The following SHB variants were observed in gnomAD, a reference collection of about 807,000 sequenced individuals.
The protein encoded by SHB is SH2 domain-containing adapter protein B.
Under a neutral mutation model 52.3 loss-of-function variants are expected in SHB, and 20 were observed. The observed-to-expected ratio is 0.38, with a 90% confidence interval of 0.27 to 0.56. The LOEUF is 0.56. SHB is among the 20% of genes least tolerant of loss of function. The pLI, the probability that SHB is intolerant of heterozygous loss-of-function variation, is 0.71. For missense variants in SHB, 825 were observed against 723.3 expected, an observed-to-expected ratio of 1.14 and a Z score of -1.61; for synonymous variants, 397 against 316.5, an observed-to-expected ratio of 1.25 and a Z score of -2.70.
At chr9:38,003,566 T>C (rs1438264052) in intron 2 of SHB, among the ~76,000 whole-genome samples, 1 of 152,108 alleles carries the variant, frequency 6.6e-6, no homozygotes, top group East Asian at 1.9e-4. Flanking sequence ...TCCCAGCCCC[T>C]GTGCTCGTTG....
intron 1 of SHB, among the ~76,000 whole-genome samples, chr9:38,036,654 T>C (rs1170071676): frequency 6.6e-6 from 1 of 152,204 alleles, no homozygotes; most frequent in Non-Finnish European, 1.5e-5. Context: ...TGGAGATAAC[T>C]GGAGAGTCTC....
intron 1 of SHB, among the ~76,000 whole-genome samples, chr9:38,061,731 T>C (rs1252082951): frequency 6.6e-6 from 1 of 152,256 alleles, no homozygotes; most frequent in East Asian, 1.9e-4. Flanking sequence ...GACAGTCACC[T>C]GATCTCCTTC....
chr9:38,010,388 C>T (rs531983260), intron 2 of SHB, among the ~76,000 whole-genome samples: 151 of 152,326 alleles, frequency 9.9e-4, no homozygotes, highest in Non-Finnish European at 1.7e-3. Context: ...GGCACAAAAA[C>T]ACGCTGTGCC....
intron 1 of SHB, among the ~76,000 whole-genome samples, chr9:38,033,663 G>A (rs1200654777): frequency 6.6e-6 from 1 of 152,184 alleles, no homozygotes; most frequent in Non-Finnish European, 1.5e-5. Flanking sequence ...GTGGGCAACA[G>A]GATAAAACAG....
At chr9:37,925,958 T>C (rs1832246221) in intron 5 of SHB, among the ~76,000 whole-genome samples, 1 of 152,190 alleles carries the variant, frequency 6.6e-6, no homozygotes, top group African/African-American at 2.4e-5. Context: ...CTCTGATCCC[T>C]GGGAGCACTG....
intron 1 of SHB, among the ~76,000 whole-genome samples, chr9:38,016,925 C>A (rs2118079879): frequency 6.6e-6 from 1 of 152,356 alleles, no homozygotes; most frequent in East Asian, 1.9e-4. Flanking sequence ...GAAAAATTCT[C>A]CAACTCACAG....
At chr9:37,965,557 A>G (rs1832739637) in intron 3 of SHB, among the ~76,000 whole-genome samples, 1 of 149,516 alleles carries the variant, frequency 6.7e-6, no homozygotes, top group South Asian at 2.1e-4. Context: ...TTTTCCTGAG[A>G]CCCGATTTAC....
At chr9:37,985,789 G>C (rs144865387) in intron 2 of SHB, among the ~76,000 whole-genome samples, 30 of 152,332 alleles carry the variant, frequency 2.0e-4, no homozygotes, top group Non-Finnish European at 3.5e-4. Context: ...CTGCCTCCTA[G>C]GGAACTCATG....
intron 5 of SHB, among the ~76,000 whole-genome samples, chr9:37,920,850 C>T (rs995926495): frequency 6.6e-6 from 1 of 152,226 alleles, no homozygotes. Flanking sequence ...CCATGCTTGG[C>T]TTCAGACCTG....
At chr9:37,933,907 G>A (rs1832340359) in intron 5 of SHB, among the ~76,000 whole-genome samples, 1 of 152,220 alleles carries the variant, frequency 6.6e-6, no homozygotes, top group South Asian at 2.1e-4. Flanking sequence ...GCCCTGTGAA[G>A]GTCCCTCAGA....
At chr9:38,050,225 G>A (rs1233789647) in intron 1 of SHB, among the ~76,000 whole-genome samples, 2 of 152,152 alleles carry the variant, frequency 1.3e-5, no homozygotes, top group African/African-American at 2.4e-5. Flanking sequence ...AAATGTCACA[G>A]TCCTTCAGCA....
At chr9:37,938,393 T>C (rs1419849984) in intron 5 of SHB, among the ~76,000 whole-genome samples, 1 of 152,238 alleles carries the variant, frequency 6.6e-6, no homozygotes, top group Non-Finnish European at 1.5e-5. Context: ...GCACCCTCTA[T>C]GCCTTCTCCC....
At chr9:37,991,299 T>A (rs903837805) in intron 2 of SHB, among the ~76,000 whole-genome samples, 10 of 152,308 alleles carry the variant, frequency 6.6e-5, no homozygotes, top group Non-Finnish European at 1.2e-4. Flanking sequence ...GCTTCTCTGA[T>A]CAGAGTCTGT....
In SHB at chr9:38,016,092, T is replaced by C. The variant is rs1564102449; in HGVS notation, c.757A>G (p.Lys253Glu). ...CCTGCTTTGCTCTTGAGATCATTCT[T>C]GGCATCAAAGGGATCTGAGTAGTCA... is the stretch of plus-strand genomic sequence containing the variant. The part of the protein sequence containing the change: ...ADDYSDPFDA[K>E]NDLKSKAGKG... Residue 253 changes from lysine to glutamate, a missense_variant, in exon 2 of 6, where the codon AAG becomes GAG. Physicochemically the swap from Lys to Glu is moderately conservative, Grantham distance 56 (BLOSUM62 1). Coordinates refer to ENST00000377707, the MANE Select transcript of SHB (RefSeq NM_003028.3). 6.2e-7 allele frequency: 1 copy of C among 1,614,086 alleles called. No homozygotes were observed. Among genetic ancestry groups the C allele is most frequent in the Non-Finnish European group, 8.5e-7 (1 of 1,179,900 alleles).
intron 5 of SHB, among the ~76,000 whole-genome samples, chr9:37,925,421 C>A (rs978916455): frequency 2.6e-5 from 4 of 152,236 alleles, no homozygotes; most frequent in Non-Finnish European, 5.9e-5. Context: ...TACACAGGCA[C>A]ACGCTTTTCA....
chr9:38,062,281 C>CCT (rs1298844750), intron 1 of SHB, among the ~76,000 whole-genome samples: 2 of 152,188 alleles, frequency 1.3e-5, no homozygotes, highest in Non-Finnish European at 2.9e-5. Flanking sequence ...AAGTCATCAA[C>CCT]CTCTCTAAGC....
At chr9:37,928,545 C>T (rs1434105173) in intron 5 of SHB, among the ~76,000 whole-genome samples, 3 of 152,214 alleles carry the variant, frequency 2.0e-5, no homozygotes, top group African/African-American at 7.2e-5. Context: ...AAATACCCTA[C>T]GACGCACAGC....
intron 3 of SHB, among the ~76,000 whole-genome samples, chr9:37,958,668 C>A (rs374195230): frequency 1.3e-5 from 2 of 152,326 alleles, no homozygotes; most frequent in East Asian, 3.9e-4. Flanking sequence ...AGTGAGAAGG[C>A]CCTTTCCCAT....
rs1209212476 is a variant in SHB, at chr9:37,917,814, C to T, written c.*2007G>A. On this transcript the variant is annotated 3_prime_UTR_variant, in exon 6 of 6. Transcript: ENST00000377707. Reference sequence around the variant, plus strand: ...TCTTTAAGAGATTAAACCCAGGCCACAGCCAGCGTGGTCTCTATGAGGGCT... The same window carrying T: ...TCTTTAAGAGATTAAACCCAGGCCATAGCCAGCGTGGTCTCTATGAGGGCT... 6.6e-6 allele frequency among the ~76,000 whole-genome samples: 1 copy of T among 152,250 alleles called. No homozygotes were observed. Among genetic ancestry groups the T allele is most frequent in the African/African-American group, 2.4e-5 (1 of 41,466 alleles).
Sources: allele counts gnomAD v4.1 joint callset (sites outside exome capture counted in the v4.1 genomes callset), GRCh38; gene constraint gnomAD v4.1.1; transcripts MANE v1.5; gene names NCBI Gene and HGNC (gene_info 2026-07-23, HGNC 2026-07-21).